Variants in WBP4 observed in about 807,000 individuals in gnomAD.
The protein encoded by WBP4 is WW domain-binding protein 4.
In WBP4, 37 loss-of-function variants were observed where a neutral mutation model predicts 55.4. That is an observed-to-expected ratio of 0.67 (90% CI 0.51 to 0.88). The LOEUF (loss-of-function observed/expected upper bound fraction) is 0.88. Ranked by LOEUF, WBP4 falls within the 40% of genes least tolerant of loss-of-function variation. The pLI is 0.00. For synonymous variants in WBP4, 142 were observed against 140.2 expected (o/e 1.01, Z -0.09); for missense variants, 398 against 420.8 (o/e 0.95, Z 0.47).
intron 4 of WBP4, among the ~76,000 whole-genome samples, chr13:41,067,446 C>T (rs192642545): frequency 7.9e-5 from 12 of 152,194 alleles, no homozygotes; most frequent in African/African-American, 1.2e-4. Context: ...TTTAGGAGGC[C>T]GGAGTGGGAG....
intron 7 of WBP4, among the ~76,000 whole-genome samples, chr13:41,075,772 T>C (rs2138477398): frequency 6.6e-6 from 1 of 152,322 alleles, no homozygotes; most frequent in Admixed American, 6.5e-5. Context: ...TCAGATAAAT[T>C]GTGAACCGTT....
At chr13:41,070,586 A>C (rs9532718) in intron 5 of WBP4, among the ~76,000 whole-genome samples, 49,688 of 151,544 alleles carry the variant, frequency 0.33, 9,932 homozygotes, top group Admixed American at 0.47. Flanking sequence ...GTTGAATATG[A>C]GGTACCTACA....
chr13:41,072,109 A>G (rs1310348884), intron 6 of WBP4, among the ~76,000 whole-genome samples: 1 of 151,418 alleles, frequency 6.6e-6, no homozygotes, highest in African/African-American at 2.4e-5. Flanking sequence ...GGCAAATATT[A>G]GTTGGTTTGC....
chr13:41,076,395 C>T (rs1170826644), intron 8 of WBP4, among the ~76,000 whole-genome samples, 158 bp downstream of exon 8: 1 of 149,484 alleles, frequency 6.7e-6, no homozygotes, highest in African/African-American at 2.5e-5. Context: ...TCTCCTGCCT[C>T]AGCCTCCCGA....
At chr13:41,062,900 C>T (rs138268326) in intron 2 of WBP4, among the ~76,000 whole-genome samples, 184 bp downstream of exon 2, 6 of 152,238 alleles carry the variant, frequency 3.9e-5, no homozygotes, top group Admixed American at 2.0e-4. Context: ...TTTCATCAAC[C>T]TGACTTTGAT....
chr13:41,064,044 G>T (rs1157917162), intron 2 of WBP4, among the ~76,000 whole-genome samples: 1 of 151,436 alleles, frequency 6.6e-6, no homozygotes, highest in Non-Finnish European at 1.5e-5. Context: ...TCATCTAGTG[G>T]CCATCACTCC....
At chr13:41,062,416 A>G (rs1326473528) in intron 1 of WBP4, among the ~76,000 whole-genome samples, 1 of 151,878 alleles carries the variant, frequency 6.6e-6, no homozygotes, top group African/African-American at 2.4e-5. Context: ...AAGCCATTTT[A>G]TTGAAGGGAG....
At position 41,083,792 on chromosome 13, in the gene WBP4, G is replaced by A. The variant is rs1352644770; in HGVS notation, c.*878G>A. ...AAGTTTTTAGTGTTTACTTAAATTA[G>A]TAATTTCTCACTTTCTGTCTGGTTA... On this transcript the variant is annotated 3_prime_UTR_variant, in exon 10 of 10. Coordinates refer to ENST00000379487, the MANE Select transcript of WBP4 (RefSeq NM_007187.5). 3 of 152,150 alleles carry A rather than the reference G, an allele frequency of 2.0e-5. No homozygotes were observed. Among genetic ancestry groups the A allele is most frequent in the African/African-American group, 7.2e-5 (3 of 41,438 alleles). 9.4% of individuals were successfully genotyped at this position (152,150 alleles called of 1,614,324 possible).
At chr13:41,081,218 G>A (rs1878760702) in intron 9 of WBP4, among the ~76,000 whole-genome samples, 1 of 151,744 alleles carries the variant, frequency 6.6e-6, no homozygotes, top group Admixed American at 6.6e-5. Flanking sequence ...GTATAGCTTG[G>A]CTGGGTGAGG....
intron 9 of WBP4, among the ~76,000 whole-genome samples, chr13:41,081,902 T>C (rs1204102227): frequency 2.6e-5 from 4 of 152,250 alleles, no homozygotes; most frequent in Non-Finnish European, 4.4e-5. Context: ...GGTTTTACGC[T>C]CTCAGCTACT....
chr13:41,079,240 G>A (rs1198328334), intron 8 of WBP4, among the ~76,000 whole-genome samples: 1 of 152,090 alleles, frequency 6.6e-6, no homozygotes, highest in African/African-American at 2.4e-5. Flanking sequence ...ATCACAAGGA[G>A]ATACCATCTT....
chr13:41,061,656 A>C lies in WBP4; in HGVS notation c.-18A>C, dbSNP rs1877643386. 2 of 1,614,048 alleles carry C rather than the reference A, an allele frequency of 1.2e-6. No individual in the cohort carries two copies. The highest frequency in any genetic ancestry group is 1.7e-6 in the Non-Finnish European group (2 of 1,180,034). ...CTGAGTGGAACCCTGGACGACTTGCAGAGCGGCTGGCGCAGTCATGTGAGT... is the reference window on the plus strand; with the variant it reads ...CTGAGTGGAACCCTGGACGACTTGCCGAGCGGCTGGCGCAGTCATGTGAGT... On this transcript the variant is annotated 5_prime_UTR_variant, in exon 1 of 10. Coordinates refer to ENST00000379487, the MANE Select transcript of WBP4 (RefSeq NM_007187.5).
chr13:41,078,378 A>G (rs2138481438), intron 8 of WBP4, among the ~76,000 whole-genome samples: 1 of 152,338 alleles, frequency 6.6e-6, no homozygotes, highest in East Asian at 1.9e-4. Context: ...ATCAACAAAA[A>G]TATACACTGG....
At chr13:41,065,310 A>C in intron 4 of WBP4, 23 bp downstream of exon 4, 1 of 1,505,090 alleles carries the variant, frequency 6.6e-7, no homozygotes, top group Non-Finnish European at 8.9e-7. Context: ...AAAAAAAAAA[A>C]GCAGCCAGCA....
chr13:41,080,753 T>TA lies in WBP4; in HGVS notation c.866dup (p.Lys290GlufsTer12). The TA allele has an allele frequency of 6.2e-7, 1 of 1,607,592 alleles. No homozygotes were observed. Among genetic ancestry groups the TA allele is most frequent in the Non-Finnish European group, 8.5e-7 (1 of 1,178,606 alleles). On this transcript the variant is annotated frameshift_variant, in exon 9 of 10. Coordinates refer to ENST00000379487, the MANE Select transcript of WBP4 (RefSeq NM_007187.5). LOFTEE classifies it high-confidence loss of function. The stretch of plus-strand genomic sequence containing the variant: ...CAAATGAAGAAAAATCGAAAACTCT[T>TA]AAGAAATCAAACCCATATGGAGAAT...
rs1226166518 is a variant in WBP4 at position 41,082,981 on chromosome 13, GTGTT to G, written c.*75_*78del. ...AGACTTATACACCCAAAGTTTATCT[GTGTT>G]TGTTTGTAAGTATTATGATGCTAAA... On this transcript the variant is annotated 3_prime_UTR_variant, in exon 10 of 10. Transcript: ENST00000379487. 2.0e-5 allele frequency: 29 copies of G among 1,422,350 alleles called. No individual in the cohort carries two copies. Among genetic ancestry groups the G allele is most frequent in the East Asian group, 1.4e-4 (6 of 42,414 alleles). The allele number at this position is 1,422,350 out of a possible 1,614,324, so 88.1% of individuals were successfully genotyped here. A position where few individuals can be genotyped will look rare whatever the true frequency, so the allele number is the denominator to read the frequency against.
At chr13:41,080,458 C>T (rs1878719553) in intron 8 of WBP4, among the ~76,000 whole-genome samples, 188 bp from the exon 9 acceptor site, 1 of 152,102 alleles carries the variant, frequency 6.6e-6, no homozygotes, top group Admixed American at 6.6e-5. Flanking sequence ...CATGGTATAT[C>T]AACATTTCAG....
intron 4 of WBP4, among the ~76,000 whole-genome samples, chr13:41,067,622 G>A (rs1878030772): frequency 6.6e-6 from 1 of 152,142 alleles, no homozygotes; most frequent in Non-Finnish European, 1.5e-5. Flanking sequence ...GAAGTTCAAG[G>A]CTACTAATGT....
chr13:41,065,368 T>G (rs966950901), intron 4 of WBP4, 81 bp downstream of exon 4: 137 of 1,472,358 alleles, frequency 9.3e-5, no homozygotes, highest in Non-Finnish European at 1.2e-4. Context: ...CTTTGATTGC[T>G]TCCATAAAGA....
Sources: allele counts gnomAD v4.1 joint callset (sites outside exome capture counted in the v4.1 genomes callset), GRCh38; gene constraint gnomAD v4.1.1; transcripts MANE v1.5; gene names NCBI Gene and HGNC (gene_info 2026-07-23, HGNC 2026-07-21).